Variants in OSTN observed in about 807,000 individuals in gnomAD.
OSTN encodes osteocrin.
OSTN carries 9 observed loss-of-function variants against 12.0 expected under a neutral mutation model. That is an observed-to-expected ratio of 0.75 (90% CI 0.45 to 1.30). The LOEUF is 1.30. OSTN is among the 50% of genes most tolerant of loss of function. OSTN has a pLI of 0.00. For synonymous variants in OSTN, 59 were observed against 56.9 expected (o/e 1.04, Z -0.16); for missense variants, 148 against 152.3 (o/e 0.97, Z 0.15).
At chr3:191,231,712 A>G (rs1715060022) in intron 3 of OSTN, among the ~76,000 whole-genome samples, 1 of 152,116 alleles carries the variant, frequency 6.6e-6, no homozygotes, top group South Asian at 2.1e-4. Flanking sequence ...CACATTCTCT[A>G]TCTTCCCATA....
intron 3 of OSTN, among the ~76,000 whole-genome samples, chr3:191,221,165 C>T (rs1169950539): frequency 6.6e-6 from 1 of 152,166 alleles, no homozygotes; most frequent in Non-Finnish European, 1.5e-5. Flanking sequence ...TCCCCTTCTG[C>T]CATGATTGTA....
At chr3:191,237,955 G>C (rs1029716191) in intron 3 of OSTN, among the ~76,000 whole-genome samples, 2 of 152,196 alleles carry the variant, frequency 1.3e-5, no homozygotes, top group African/African-American at 4.8e-5. Flanking sequence ...GATTCAATTT[G>C]TCAGATATGA....
chr3:191,211,965 A>G (rs1228432843), intron 1 of OSTN, among the ~76,000 whole-genome samples: 2 of 152,118 alleles, frequency 1.3e-5, no homozygotes, highest in African/African-American at 2.4e-5. Flanking sequence ...TGTATTTAAT[A>G]TGTAATTTTT....
chr3:191,209,073 C>T (rs144298488), intron 1 of OSTN, among the ~76,000 whole-genome samples: 4 of 152,114 alleles, frequency 2.6e-5, no homozygotes, highest in African/African-American at 7.2e-5. Context: ...GCAGGAGAAT[C>T]GCTTAAACCT....
chr3:191,222,805 A>G (rs1299159728), intron 3 of OSTN, among the ~76,000 whole-genome samples: 3 of 152,058 alleles, frequency 2.0e-5, no homozygotes, highest in Non-Finnish European at 4.4e-5. Flanking sequence ...TAATTGAATC[A>G]TGGGGGTGGC....
At position 191,241,984 on chromosome 3, in the gene OSTN, T is replaced by C. The variant is rs146381239; in HGVS notation, c.318-8053T>C. On this transcript the variant is annotated intron_variant, in intron 3 of 4. Transcript: ENST00000682035. ...GATAGAAAATTCCTACCAAAAAAAA[T>C]AGCAAAACAAATAGCAATGTATTTA... Among the ~76,000 whole-genome samples, 248 of 151,936 alleles carry C rather than the reference T, an allele frequency of 1.6e-3. 2 individuals carry two copies. Among genetic ancestry groups the C allele is most frequent in the Admixed American group, 0.012 (177 of 15,270 alleles).
chr3:191,215,657 G>A lies in OSTN; in HGVS notation c.102+3023G>A, dbSNP rs1212896383. Reference sequence around the variant, plus strand: ...CCCCATGCAAATCAGAAATCCTACAGGGCAGTTATTAAACCTTTGGAGATC... The same window carrying A: ...CCCCATGCAAATCAGAAATCCTACAAGGCAGTTATTAAACCTTTGGAGATC... On this transcript the variant is annotated intron_variant, in intron 2 of 4. Transcript: ENST00000682035. Among the ~76,000 whole-genome samples the A allele has an allele frequency of 3.3e-5, 5 of 152,216 alleles. No homozygotes were observed. In the East Asian group the frequency reaches 9.6e-4, roughly 29 times the overall value.
intron 3 of OSTN, among the ~76,000 whole-genome samples, chr3:191,221,308 A>G (rs147250795): frequency 6.3e-4 from 96 of 152,216 alleles, no homozygotes; most frequent in African/African-American, 2.0e-3. Context: ...GGGTGCTGCT[A>G]TAAAGACACC....
intron 4 of OSTN, among the ~76,000 whole-genome samples, chr3:191,261,019 CAG>C (rs1006768864): frequency 2.6e-5 from 4 of 151,908 alleles, no homozygotes; most frequent in African/African-American, 9.7e-5. Context: ...GATCAGATTA[CAG>C]AGAGAGAGAG....
chr3:191,204,563 C>A (rs1221643068), intron 1 of OSTN, among the ~76,000 whole-genome samples: 3 of 152,066 alleles, frequency 2.0e-5, no homozygotes, highest in Non-Finnish European at 4.4e-5. Flanking sequence ...GTTTGTGAGG[C>A]AAAATTCATC....
chr3:191,246,160 A>G (rs1715427227), intron 3 of OSTN, among the ~76,000 whole-genome samples: 1 of 151,382 alleles, frequency 6.6e-6, no homozygotes, highest in African/African-American at 2.4e-5. Context: ...CAGTGCAGGT[A>G]TCATGTGACT....
At chr3:191,206,399 G>T (rs1017324614) in intron 1 of OSTN, among the ~76,000 whole-genome samples, 3 of 152,262 alleles carry the variant, frequency 2.0e-5, no homozygotes, top group Middle Eastern at 3.4e-3. Flanking sequence ...AAGATTTGGA[G>T]ATTCTTTCTT....
intron 3 of OSTN, among the ~76,000 whole-genome samples, chr3:191,226,510 C>T (rs948878337): frequency 7.2e-5 from 11 of 152,166 alleles, no homozygotes; most frequent in African/African-American, 2.7e-4. Context: ...AACATATCAG[C>T]TCCACTTAAG....
chr3:191,213,592 G>T (rs1187000085), intron 2 of OSTN, among the ~76,000 whole-genome samples: 1 of 151,970 alleles, frequency 6.6e-6, no homozygotes, highest in African/African-American at 2.4e-5. Flanking sequence ...TTTAATTACA[G>T]TACAAATATT....
rs913780864 is a variant in OSTN at position 191,264,363 on chromosome 3, G to T, written c.*1510G>T. 1.3e-5 allele frequency: 2 copies of T among 152,012 alleles called. No homozygotes were observed. The allele number at this position is 152,012 out of a possible 1,614,324, so 9.4% of individuals were successfully genotyped here. A position where few individuals can be genotyped will look rare whatever the true frequency, so the allele number is the denominator to read the frequency against. On this transcript the variant is annotated 3_prime_UTR_variant, in exon 5 of 5. Coordinates refer to ENST00000682035, the MANE Select transcript of OSTN (RefSeq NM_198184.2). ...TTAAAAGAGGCAAAAAGAGGTGAAAGAAATGAACATGTGTACTTAGAATAT... is the reference window on the plus strand; with the variant it reads ...TTAAAAGAGGCAAAAAGAGGTGAAATAAATGAACATGTGTACTTAGAATAT...
intron 1 of OSTN, among the ~76,000 whole-genome samples, chr3:191,207,998 A>C (rs1226317659): frequency 6.6e-6 from 1 of 152,212 alleles, no homozygotes; most frequent in Non-Finnish European, 1.5e-5. Flanking sequence ...AAACGTCAAA[A>C]CACATAATAG....
rs139127641 is a variant in OSTN, at chr3:191,230,787, T to C, written c.317+11826T>C. Among the ~76,000 whole-genome samples, 3 of 152,176 alleles carry C rather than the reference T, an allele frequency of 2.0e-5. No individual in the cohort carries two copies. In the East Asian group the frequency reaches 5.8e-4, roughly 29 times the overall value. ...TTAATCAACATCCCTGGAGCTAGAT[T>C]GCAAAGGTTTCATCCAATGCTGTAT... On this transcript the variant is annotated intron_variant, in intron 3 of 4. Coordinates refer to ENST00000682035, the MANE Select transcript of OSTN (RefSeq NM_198184.2).
chr3:191,257,566 A>G (rs1715700501), intron 4 of OSTN, among the ~76,000 whole-genome samples: 1 of 152,128 alleles, frequency 6.6e-6, no homozygotes, highest in African/African-American at 2.4e-5. Flanking sequence ...CCCCACCCTC[A>G]TCATGGGCAT....
At chr3:191,220,036 C>T (rs893249428) in intron 3 of OSTN, among the ~76,000 whole-genome samples, 1 of 152,200 alleles carries the variant, frequency 6.6e-6, no homozygotes, top group African/African-American at 2.4e-5. Flanking sequence ...AAAAGTCAAA[C>T]TCCTTTGCAA....
Sources: allele counts gnomAD v4.1 joint callset (sites outside exome capture counted in the v4.1 genomes callset), GRCh38; gene constraint gnomAD v4.1.1; transcripts MANE v1.5; gene names NCBI Gene and HGNC (gene_info 2026-07-23, HGNC 2026-07-21).